ELP4: variants seen among roughly 807,000 people sequenced by gnomAD.
ELP4 encodes elongator acetyltransferase complex subunit 4.
ELP4 carries 51 observed loss-of-function variants against 48.9 expected under a neutral mutation model. The ratio of observed to expected loss-of-function variants is 1.04; its 90% CI spans 0.83 to 1.32. ELP4 has a LOEUF of 1.32. ELP4 is among the 40% of genes most tolerant of loss of function. The pLI is 0.00. For synonymous variants in ELP4, 210 were observed against 189.2 expected, an observed-to-expected ratio of 1.11 and a Z score of -0.90; for missense variants, 519 against 514.6, an observed-to-expected ratio of 1.01 and a Z score of -0.08.
intron 9 of ELP4, among the ~76,000 whole-genome samples, chr11:31,722,691 C>CTCTGTCTCTCTCTT (rs1269758178): frequency 8.0e-6 from 1 of 125,012 alleles, no homozygotes; most frequent in Non-Finnish European, 1.6e-5. Flanking sequence ...CTCTCTCTCT[C>CTCTGTCTCTCTCTT]TCTCTGTCTC....
chr11:31,644,978 A>G (rs912961865), intron 7 of ELP4, among the ~76,000 whole-genome samples: 1 of 151,808 alleles, frequency 6.6e-6, no homozygotes, highest in African/African-American at 2.4e-5. Context: ...AGATATCCCT[A>G]CAACTTTCAC....
At chr11:31,570,185 G>A (rs985015834) in intron 3 of ELP4, among the ~76,000 whole-genome samples, 2 of 152,110 alleles carry the variant, frequency 1.3e-5, no homozygotes, top group African/African-American at 2.4e-5. Flanking sequence ...CAGCCATAAA[G>A]AAATCATGTC....
At chr11:31,661,033 A>AT (rs551660593) in intron 9 of ELP4, among the ~76,000 whole-genome samples, 29 of 152,184 alleles carry the variant, frequency 1.9e-4, no homozygotes, top group Non-Finnish European at 3.7e-4. Flanking sequence ...GATACAAGTC[A>AT]TTTTTTAATC....
intron 3 of ELP4, among the ~76,000 whole-genome samples, chr11:31,571,691 C>G (rs1000167628): frequency 2.0e-5 from 3 of 152,154 alleles, no homozygotes; most frequent in African/African-American, 7.2e-5. Context: ...GATCCATGGG[C>G]TACAGAATGG....
At chr11:31,631,750 T>A (rs1022512279) in intron 6 of ELP4, among the ~76,000 whole-genome samples, 2 of 151,944 alleles carry the variant, frequency 1.3e-5, no homozygotes, top group Non-Finnish European at 2.9e-5. Flanking sequence ...AAACAAAAAG[T>A]CATATATCTT....
intron 3 of ELP4, chr11:31,580,778 C>T (rs1373289867): frequency 1.3e-5 from 2 of 152,340 alleles, no homozygotes; most frequent in Non-Finnish European, 2.9e-5. Context: ...CCACCTCAGC[C>T]TCCCAAGTAG....
chr11:31,597,990 C>T (rs1431547378), intron 4 of ELP4, among the ~76,000 whole-genome samples: 1 of 114,140 alleles, frequency 8.8e-6, no homozygotes, highest in Non-Finnish European at 1.7e-5. Context: ...GAGTCTTGCT[C>T]TGTCACCCAG....
chr11:31,723,163 C>T (rs1465807008), intron 9 of ELP4, among the ~76,000 whole-genome samples: 1 of 152,198 alleles, frequency 6.6e-6, no homozygotes, highest in Non-Finnish European at 1.5e-5. Context: ...TTTTTACACC[C>T]TCATCTAGGC....
At chr11:31,731,532 GAAAACC>G (rs1006215273) in intron 9 of ELP4, among the ~76,000 whole-genome samples, 91 of 149,856 alleles carry the variant, frequency 6.1e-4, no homozygotes, top group African/African-American at 1.6e-3. Context: ...AAAGAATGAA[GAAAACC>G]TAGGGGACTT....
At chr11:31,639,227 C>CT (rs1470845653) in intron 7 of ELP4, among the ~76,000 whole-genome samples, 3 of 151,678 alleles carry the variant, frequency 2.0e-5, no homozygotes, top group Non-Finnish European at 2.9e-5. Context: ...CTTAACGACT[C>CT]TGAAATTGAT....
intron 3 of ELP4, among the ~76,000 whole-genome samples, chr11:31,549,540 G>A (rs1195951969): frequency 6.6e-6 from 1 of 151,706 alleles, no homozygotes; most frequent in Admixed American, 6.6e-5. Context: ...CTGTTGGTGG[G>A]ACTGTAAACT....
chr11:31,680,565 G>GAT (rs1946032631), intron 9 of ELP4, among the ~76,000 whole-genome samples: 1 of 152,082 alleles, frequency 6.6e-6, no homozygotes, highest in African/African-American at 2.4e-5. Context: ...CACTAAGTTC[G>GAT]ATATACTCAC....
At chr11:31,573,211 T>G (rs1389733299) in intron 3 of ELP4, among the ~76,000 whole-genome samples, 1 of 152,222 alleles carries the variant, frequency 6.6e-6, no homozygotes, top group African/African-American at 2.4e-5. Flanking sequence ...TGTGCCTACA[T>G]GCAGTCTGTC....
chr11:31,717,115 G>A lies in ELP4; in HGVS notation c.1144-66278G>A, dbSNP rs577027855. Among the ~76,000 whole-genome samples the A allele has an allele frequency of 5.3e-5, 8 of 152,224 alleles. No individual in the cohort carries two copies. The South Asian group carries it at 1.0e-3, about 20-fold the overall frequency. ...AATGAATGAGATGGCCACAAATGCC[G>A]TAAACCTGAGGAATCATAGATAAAT... On this transcript the variant is annotated intron_variant, in intron 9 of 9. Transcript: ENST00000640961.
chr11:31,519,989 C>T, intron 1 of ELP4, 67 bp from the exon 2 acceptor site: 1 of 1,512,256 alleles, frequency 6.6e-7, no homozygotes, highest in Non-Finnish European at 9.1e-7. Context: ...TTCATAAAGC[C>T]TAACTTTTAT....
At chr11:31,670,095 G>A (rs563776654) in intron 9 of ELP4, among the ~76,000 whole-genome samples, 11 of 152,062 alleles carry the variant, frequency 7.2e-5, no homozygotes, top group African/African-American at 2.7e-4. Context: ...TGATGAGTTT[G>A]TTACTTGATG....
At chr11:31,768,362 T>C in intron 9 of ELP4, among the ~76,000 whole-genome samples, 1 of 152,176 alleles carries the variant, frequency 6.6e-6, no homozygotes, top group East Asian at 1.9e-4. Flanking sequence ...TATCTGTCCA[T>C]GAAGAGTGAG....
rs397776294 is a variant in ELP4 at position 31,735,159 on chromosome 11, C to CAA, written c.1144-48221_1144-48220dup. Among the ~76,000 whole-genome samples, 307 of 114,770 alleles carry CAA rather than the reference C, an allele frequency of 2.7e-3. 2 individuals are homozygous for CAA. The highest frequency in any genetic ancestry group is 0.021 in the East Asian group (83 of 3,984). The allele number at this position is 114,770 out of a possible 152,430, so 75.3% of individuals were successfully genotyped here. A position where few individuals can be genotyped will look rare whatever the true frequency, so the allele number is the denominator to read the frequency against. ...ATTGGGAAAACTGGATATCCATTGG[C>CAA]AAAAAAAAAAAAAACACGCACAAAA... On this transcript the variant is annotated intron_variant, in intron 9 of 9. Transcript: ENST00000640961.
chr11:31,724,070 C>T (rs1326641381), intron 9 of ELP4, among the ~76,000 whole-genome samples: 1 of 152,202 alleles, frequency 6.6e-6, no homozygotes, highest in African/African-American at 2.4e-5. Context: ...TAACCCTCAC[C>T]TCTACCCCCA....
Sources: gnomAD v4.1 joint callset for allele counts (sites outside exome capture counted in the v4.1 genomes callset) on GRCh38, gnomAD v4.1.1 for gene constraint, MANE v1.5 for transcripts, NCBI Gene and HGNC (gene_info 2026-07-23, HGNC 2026-07-21) for gene names.